Variants in APOO observed in about 807,000 individuals in gnomAD.
APOO encodes the protein MICOS complex subunit MIC26.
Under a neutral mutation model 23.1 loss-of-function variants are expected in APOO, and 11 were observed. The observed-to-expected ratio is 0.48, with a 90% CI of 0.30 to 0.79. APOO has a LOEUF of 0.79. Ranked by LOEUF, APOO falls within the 30% of genes least tolerant of loss-of-function variation. APOO has a pLI of 0.07. For synonymous variants in APOO, 59 were observed against 54.8 expected (o/e 1.08, Z -0.34); for missense variants, 160 against 142.7 (o/e 1.12, Z -0.62).
chrX:23,882,826 T>C (rs771527887), intron 1 of APOO, among the ~76,000 whole-genome samples: 24 of 110,703 alleles, frequency 2.2e-4, no homozygotes, highest in African/African-American at 7.2e-4. Flanking sequence ...TTTGTAATTT[T>C]TGTAGAGACA....
intron 5 of APOO, among the ~76,000 whole-genome samples, chrX:23,862,220 C>G (rs1925085023): frequency 9.1e-6 from 1 of 110,088 alleles, no homozygotes; most frequent in Non-Finnish European, 1.9e-5. Flanking sequence ...AGAAGAACTT[C>G]AAAACAAAAC....
At chrX:23,858,854 G>C in intron 5 of APOO, 121 bp from the exon 6 acceptor site, 1 of 590,069 alleles carries the variant, frequency 1.7e-6, no homozygotes, top group Non-Finnish European at 2.6e-6. Context: ...TAATCCAAAA[G>C]CTCTGGGAGG....
intron 4 of APOO, among the ~76,000 whole-genome samples, chrX:23,869,954 A>G (rs1360396249): frequency 9.1e-6 from 1 of 109,625 alleles, no homozygotes; most frequent in Non-Finnish European, 1.9e-5. Context: ...TCCTTCTCAA[A>G]AAAAAAAAAA....
Position 23,907,762 on chromosome X carries a change from G to A in APOO, c.-60C>T. On this transcript the variant is annotated 5_prime_UTR_variant, in exon 1 of 9. Transcript: ENST00000379226. ...CGGCCTCGGCCACGCCCACTATAGA[G>A]AGGTGACTACGGAGGCCCGGTAGGG... 1 of 1,131,057 alleles carries A rather than the reference G, an allele frequency of 8.8e-7. No homozygotes were observed. The highest frequency in any genetic ancestry group is 1.2e-6 in the Non-Finnish European group (1 of 853,210). The allele number at this position is 1,131,057 out of a possible 1,213,427, so 93.2% of individuals were successfully genotyped here. A position where few individuals can be genotyped will look rare whatever the true frequency, so the allele number is the denominator to read the frequency against.
intron 4 of APOO, 47 bp from the exon 5 acceptor site, chrX:23,868,735 A>AAAAAC (rs749323940): frequency 9.4e-7 from 1 of 1,059,045 alleles, no homozygotes; most frequent in East Asian, 3.1e-5. Flanking sequence ...TTTCTCATTA[A>AAAAAC]AAAACAAAAC....
At chrX:23,891,166 T>C in intron 1 of APOO, among the ~76,000 whole-genome samples, 2 of 111,535 alleles carry the variant, frequency 1.8e-5, no homozygotes, top group African/African-American at 6.5e-5. Flanking sequence ...TGATGAGTCA[T>C]GGAGTAGTCT....
chrX:23,905,066 T>C (rs1195537234), intron 1 of APOO, among the ~76,000 whole-genome samples: 1 of 110,258 alleles, frequency 9.1e-6, no homozygotes, highest in East Asian at 2.8e-4. Flanking sequence ...TTGTGATCTT[T>C]TCTACCCAAA....
chrX:23,864,276 T>C (rs1925237731), intron 5 of APOO, among the ~76,000 whole-genome samples: 1 of 110,655 alleles, frequency 9.0e-6, no homozygotes, highest in Non-Finnish European at 1.9e-5. Flanking sequence ...ATTACAGGTG[T>C]TAGCCACCAT....
At chrX:23,861,301 T>C (rs1336865778) in intron 5 of APOO, among the ~76,000 whole-genome samples, 3 of 109,781 alleles carry the variant, frequency 2.7e-5, no homozygotes, top group Non-Finnish European at 5.7e-5. Flanking sequence ...TGTTTAAAAA[T>C]GTGTGACACC....
In APOO at chrX:23,840,363, C is replaced by T. The variant is rs1272343532; in HGVS notation, c.576G>A (p.Lys192=). The change falls in exon 8 of 9, where the codon AAG becomes AAA. Residue 192 remains lysine, a synonymous_variant. Transcript: ENST00000379226. The part of the protein sequence containing the change: ...KENFQKPGNV[K]NSPGTK ...TTTTCTACTTAGTTCCAGGTGAATT[C>T]TTCACATTTCCTGGCTTTTAAAACA... 1 of 1,200,171 alleles carries T rather than the reference C, an allele frequency of 8.3e-7. No individual in the cohort carries two copies. The highest frequency in any genetic ancestry group is 1.8e-5 in the South Asian group (1 of 54,235).
chrX:23,839,271 A>G (rs1923861401), intron 8 of APOO, among the ~76,000 whole-genome samples: 1 of 112,305 alleles, frequency 8.9e-6, no homozygotes, highest in Admixed American at 9.5e-5. Context: ...TGCTTAGCAG[A>G]GGAAACAGCT....
chrX:23,887,506 A>G (rs944135183), intron 1 of APOO, among the ~76,000 whole-genome samples: 1 of 110,422 alleles, frequency 9.1e-6, no homozygotes, highest in African/African-American at 3.3e-5. Flanking sequence ...TGCTGGGATT[A>G]CAGGCATGAG....
At chrX:23,854,502 T>C (rs1041062753) in intron 7 of APOO, among the ~76,000 whole-genome samples, 2 of 111,992 alleles carry the variant, frequency 1.8e-5, no homozygotes, top group African/African-American at 6.5e-5. Flanking sequence ...AAATTTAGTG[T>C]GCATTTGTTT....
chrX:23,893,151 CT>C (rs1293381745), intron 1 of APOO, among the ~76,000 whole-genome samples: 1 of 109,581 alleles, frequency 9.1e-6, no homozygotes, highest in Non-Finnish European at 1.9e-5. Context: ...GGCGCGGTGG[CT>C]CACGCCTGTA....
At chrX:23,837,320 T>C in intron 8 of APOO, 1 of 734,674 alleles carries the variant, frequency 1.4e-6, no homozygotes. Flanking sequence ...ATAGTCTTCA[T>C]TCTCGCAGTA....
At chrX:23,869,675 G>C (rs1176998738) in intron 4 of APOO, among the ~76,000 whole-genome samples, 1 of 103,937 alleles carries the variant, frequency 9.6e-6, no homozygotes, top group Non-Finnish European at 2.0e-5. Flanking sequence ...AGGAAGGCCA[G>C]GTGCGGTGGC....
intron 1 of APOO, among the ~76,000 whole-genome samples, chrX:23,900,756 C>T (rs780283783): frequency 9.1e-6 from 1 of 109,904 alleles, no homozygotes; most frequent in Non-Finnish European, 1.9e-5. Flanking sequence ...GAAAAGATTG[C>T]ATCCAGAGCT....
chrX:23,888,605 C>T (rs761819749), intron 1 of APOO, among the ~76,000 whole-genome samples: 242 of 110,841 alleles, frequency 2.2e-3, no homozygotes, highest in African/African-American at 7.7e-3. Flanking sequence ...ATAATCCCAC[C>T]ACTTTGGGAG....
intron 3 of APOO, among the ~76,000 whole-genome samples, chrX:23,877,770 T>C (rs1300468525): frequency 1.9e-5 from 2 of 102,812 alleles, no homozygotes; most frequent in African/African-American, 7.1e-5. Context: ...CAAGACTCCC[T>C]CTCAAAAAAA....
Sources: gnomAD v4.1 joint callset for allele counts (sites outside exome capture counted in the v4.1 genomes callset) on GRCh38, gnomAD v4.1.1 for gene constraint, MANE v1.5 for transcripts, NCBI Gene and HGNC (gene_info 2026-07-23, HGNC 2026-07-21) for gene names.